Variants in TCP10L observed in about 807,000 individuals in gnomAD.
The protein encoded by TCP10L is t-complex 10 like.
Under a neutral mutation model 19.2 loss-of-function variants are expected in TCP10L, and 11 were observed. The observed-to-expected ratio is 0.57, with a 90% CI of 0.36 to 0.95. The LOEUF is 0.95. Ranked by LOEUF, TCP10L falls within the 40% of genes least tolerant of loss-of-function variation. The probability of loss-of-function intolerance (pLI) is 0.01; values close to 1 mark genes in which losing one functional copy is unlikely to be tolerated. For missense variants in TCP10L, 247 were observed against 263.9 expected, an observed-to-expected ratio of 0.94 and a Z score of 0.44; for synonymous variants, 96 against 97.2, an observed-to-expected ratio of 0.99 and a Z score of 0.07.
At chr21:32,580,690 T>A (rs1381720371) in intron 3 of TCP10L, among the ~76,000 whole-genome samples, 1 of 152,218 alleles carries the variant, frequency 6.6e-6, no homozygotes, top group African/African-American at 2.4e-5. Flanking sequence ...CCTGTATGTA[T>A]AATTTTAATG....
rs1317474016 is a variant in TCP10L at position 32,578,275 on chromosome 21, G to C, written c.498+419C>G. Among the ~76,000 whole-genome samples the C allele has an allele frequency of 6.6e-6, 1 of 152,236 alleles. No individual in the cohort carries two copies. Among genetic ancestry groups the C allele is most frequent in the Non-Finnish European group, 1.5e-5 (1 of 68,040 alleles). On this transcript the variant is annotated intron_variant, in intron 4 of 4. Transcript: ENST00000300258. The surrounding 1 kb of genome is among the most constrained non-coding windows in gnomAD (Gnocchi z 4.2). ...AAGCTAACAGCGCCACCCCTGTTCA[G>C]AGGAGTCCACGCCGACAAGCAGCAG...
At chr21:32,580,579 C>A (rs1164266227) in intron 3 of TCP10L, among the ~76,000 whole-genome samples, 1 of 151,890 alleles carries the variant, frequency 6.6e-6, no homozygotes, top group East Asian at 1.9e-4. Flanking sequence ...TAAAAGTTCA[C>A]ACAATAAATG....
Position 32,578,589 on chromosome 21 carries a change from G to C in TCP10L, c.498+105C>G, listed in dbSNP as rs529252981. The C allele has an allele frequency of 5.2e-4, 766 of 1,483,308 alleles. No individual in the cohort carries two copies. Among genetic ancestry groups the C allele is most frequent in the Non-Finnish European group, 6.5e-4 (717 of 1,098,800 alleles). 91.9% of individuals were successfully genotyped at this position (1,483,308 alleles called of 1,614,324 possible). Reference sequence around the variant, plus strand: ...AACACAGGACTCCAGGGAGCACCATGCTCACCCAGGGAGGTGAAATTGTGT... The same window carrying C: ...AACACAGGACTCCAGGGAGCACCATCCTCACCCAGGGAGGTGAAATTGTGT... On this transcript the variant is annotated intron_variant, in intron 4 of 4. Coordinates refer to ENST00000300258, the MANE Select transcript of TCP10L (RefSeq NM_144659.7). The surrounding 1 kb of genome is among the most constrained non-coding windows in gnomAD (Gnocchi z 4.2).
Position 32,576,489 on chromosome 21 carries a change from T to C in TCP10L, c.*285A>G. 1 of 614,866 alleles carries C rather than the reference T, an allele frequency of 1.6e-6. No individual in the cohort carries two copies. The highest frequency in any genetic ancestry group is 2.8e-5 in the East Asian group (1 of 35,654). 38.1% of individuals were successfully genotyped at this position (614,866 alleles called of 1,614,324 possible). On this transcript the variant is annotated 3_prime_UTR_variant, in exon 5 of 5. Transcript: ENST00000300258. ...CGACACTCCATACTACAAGGTGGGT[T>C]AATTTTTTTAAAGACTCTGCAGAAA...
chr21:32,576,364 C>A lies in TCP10L; in HGVS notation c.*410G>T. 7.6e-7 allele frequency: 1 copy of A among 1,324,134 alleles called. No individual in the cohort carries two copies. The highest frequency in any genetic ancestry group is 1.3e-5 in the South Asian group (1 of 74,486). The allele number at this position is 1,324,134 out of a possible 1,614,324, so 82.0% of individuals were successfully genotyped here. ...TCACAGGCCCGCCTTGTCACAAGGT[C>A]CCTGGAGCGGGCAATGCCTTGAGCC... On this transcript the variant is annotated 3_prime_UTR_variant, in exon 5 of 5. Coordinates refer to ENST00000300258, the MANE Select transcript of TCP10L (RefSeq NM_144659.7).
At chr21:32,584,415 G>A (rs568198229) in intron 1 of TCP10L, 110 bp from the exon 2 acceptor site, 30 of 1,418,360 alleles carry the variant, frequency 2.1e-5, no homozygotes, top group Middle Eastern at 2.2e-4. Context: ...ACCCGCAGCC[G>A]CTCCTTCTCC....
chr21:32,575,435 G>C lies in TCP10L; in HGVS notation c.*1339C>G, dbSNP rs1016325166. The C allele has an allele frequency of 6.5e-5, 10 of 154,816 alleles. No homozygotes were observed. The highest frequency in any genetic ancestry group is 2.4e-4 in the African/African-American group (10 of 41,488). The allele number at this position is 154,816 out of a possible 1,614,324, so 9.6% of individuals were successfully genotyped here. ...GCCTGGGGGTGGGCAGGAAGCCCGG[G>C]GGGCAGACTCAGGAGGAAGACAGTG... is the stretch of plus-strand genomic sequence containing the variant. On this transcript the variant is annotated 3_prime_UTR_variant, in exon 5 of 5. Transcript: ENST00000300258.
Position 32,576,269 on chromosome 21 carries a change from CTG to C in TCP10L, c.*503_*504del, listed in dbSNP as rs774278744. 6.3e-7 allele frequency: 1 copy of C among 1,576,172 alleles called. No homozygotes were observed. Among genetic ancestry groups the C allele is most frequent in the Non-Finnish European group, 8.7e-7 (1 of 1,152,094 alleles). ...AGCATGGCGGCCTGGGAAGCCTGCA[CTG>C]GTGATTTTCTGCCACTCAAGTTTTG... On this transcript the variant is annotated 3_prime_UTR_variant, in exon 5 of 5. Coordinates refer to ENST00000300258, the MANE Select transcript of TCP10L (RefSeq NM_144659.7).
rs2038402629 is a variant in TCP10L, at chr21:32,573,868, C to T, written c.*2906G>A. Among the ~76,000 whole-genome samples, 1 of 152,132 alleles carries T rather than the reference C, an allele frequency of 6.6e-6. No homozygotes were observed. Among genetic ancestry groups the T allele is most frequent in the East Asian group, 1.9e-4 (1 of 5,206 alleles). On this transcript the variant is annotated 3_prime_UTR_variant, in exon 5 of 5. Coordinates refer to ENST00000300258, the MANE Select transcript of TCP10L (RefSeq NM_144659.7). Reference sequence around the variant, plus strand: ...CATACAAATAACATACAAATAACACCTGCCATGACTGTGGCACTGTTTCTA... The same window carrying T: ...CATACAAATAACATACAAATAACACTTGCCATGACTGTGGCACTGTTTCTA...
chr21:32,578,268 CT>C lies in TCP10L; in HGVS notation c.498+425del, dbSNP rs2038455784. Among the ~76,000 whole-genome samples, 1 of 152,234 alleles carries C rather than the reference CT, an allele frequency of 6.6e-6. No individual in the cohort carries two copies. Among genetic ancestry groups the C allele is most frequent in the South Asian group, 2.1e-4 (1 of 4,826 alleles). On this transcript the variant is annotated intron_variant, in intron 4 of 4. Transcript: ENST00000300258. The surrounding 1 kb of genome is among the most constrained non-coding windows in gnomAD (Gnocchi z 4.2). The stretch of plus-strand genomic sequence containing the variant: ...GGCTCCCAAGCTAACAGCGCCACCC[CT>C]GTTCAGAGGAGTCCACGCCGACAAG...
intron 1 of TCP10L, among the ~76,000 whole-genome samples, 161 bp downstream of exon 1, chr21:32,585,260 C>T (rs1252211907): frequency 1.2e-4 from 19 of 152,206 alleles, no homozygotes; most frequent in Admixed American, 9.2e-4. Flanking sequence ...AATGTTTCTG[C>T]GGAAGTGGGC....
In TCP10L at chr21:32,585,072, A is replaced by G. The variant is rs183033271; in HGVS notation, c.-2+349T>C. ...CCGTTTTAGGAAGCCAGTGGCCCCCAACGAAACCCCGACTGTTTAATTCAT... is the reference window on the plus strand; with the variant it reads ...CCGTTTTAGGAAGCCAGTGGCCCCCGACGAAACCCCGACTGTTTAATTCAT... On this transcript the variant is annotated intron_variant, in intron 1 of 4. Transcript: ENST00000300258. Among the ~76,000 whole-genome samples the G allele has an allele frequency of 9.2e-4, 140 of 152,238 alleles. 1 individual carries two copies. The highest frequency in any genetic ancestry group is 2.5e-4 in the Non-Finnish European group (17 of 68,000).
rs1269924889 is a variant in TCP10L at position 32,576,831 on chromosome 21, T to G, written c.591A>C (p.Arg197Ser). The change falls in exon 5 of 5, where the codon AGA becomes AGC. Residue 197 changes from arginine (R) to serine (S), a missense_variant. Coordinates refer to ENST00000300258, the MANE Select transcript of TCP10L (RefSeq NM_144659.7). ...DKNLSRRRQD[R>S]RATPTGRPTP... ...TTGGCCTTCCAGTAGGTGTTGCTCT[T>G]CTGTCTTGACGTCTCCTGGAAAGAT... The G allele has an allele frequency of 1.9e-6, 3 of 1,614,200 alleles. No homozygotes were observed. Among genetic ancestry groups the G allele is most frequent in the Non-Finnish European group, 2.5e-6 (3 of 1,180,022 alleles).
In TCP10L at chr21:32,576,084, G is replaced by T. The variant is rs1476096383; in HGVS notation, c.*690C>A. 8.6e-5 allele frequency: 47 copies of T among 545,216 alleles called. 1 individual carries two copies. In the Admixed American group the frequency reaches 1.4e-3, roughly 17 times the overall value. The allele number at this position is 545,216 out of a possible 1,614,324, so 33.8% of individuals were successfully genotyped here. A position where few individuals can be genotyped will look rare whatever the true frequency, so the allele number is the denominator to read the frequency against. ...CAACGAGGGAATCAGACAAAAAGTG[G>T]CCACAAATTAGGCAGCTCCAGGAAG... On this transcript the variant is annotated 3_prime_UTR_variant, in exon 5 of 5. Coordinates refer to ENST00000300258, the MANE Select transcript of TCP10L (RefSeq NM_144659.7).
chr21:32,578,038 C>G lies in TCP10L; in HGVS notation c.498+656G>C, dbSNP rs755946683. On this transcript the variant is annotated intron_variant, in intron 4 of 4. Transcript: ENST00000300258. This position sits in a 1 kb window ranked among gnomAD's most constrained non-coding sequence, Gnocchi z 4.2. ...TGCTACTGTTTGTGGTTTAAGAACG[C>G]CTTTAAGCGGTTTTCCACCCTGGGT... 6.6e-6 allele frequency among the ~76,000 whole-genome samples: 1 copy of G among 152,222 alleles called. No individual in the cohort carries two copies. Among genetic ancestry groups the G allele is most frequent in the Admixed American group, 6.5e-5 (1 of 15,282 alleles).
At position 32,582,001 on chromosome 21, in the gene TCP10L, G is replaced by A. The variant is rs1189880657; in HGVS notation, c.360+199C>T. Among the ~76,000 whole-genome samples the A allele has an allele frequency of 6.6e-6, 1 of 152,146 alleles. No individual in the cohort carries two copies. Among genetic ancestry groups the A allele is most frequent in the African/African-American group, 2.4e-5 (1 of 41,414 alleles). On this transcript the variant is annotated intron_variant, in intron 3 of 4. Coordinates refer to ENST00000300258, the MANE Select transcript of TCP10L (RefSeq NM_144659.7). The surrounding 1 kb of genome is among the most constrained non-coding windows in gnomAD (Gnocchi z 4.2). ...CGGCAATGCTTCTGTCTGCTGGAGT[G>A]CCAGGTGAGAGGCCTGATGTATCCA...
At chr21:32,581,603 T>C (rs1162439824) in intron 3 of TCP10L, among the ~76,000 whole-genome samples, 2 of 152,058 alleles carry the variant, frequency 1.3e-5, no homozygotes, top group Admixed American at 1.3e-4. Context: ...CCCTAGAGGT[T>C]TGAGCAGTGG....
At position 32,574,723 on chromosome 21, in the gene TCP10L, G is replaced by A. The variant is rs949270550; in HGVS notation, c.*2051C>T. ...TTTAAAAGGATAGTGTATATACATT[G>A]TGGAAATATCAGTATCCTAATGCGA... On this transcript the variant is annotated 3_prime_UTR_variant, in exon 5 of 5. Transcript: ENST00000300258. 1 of 166,486 alleles carries A rather than the reference G, an allele frequency of 6.0e-6. No homozygotes were observed. The highest frequency in any genetic ancestry group is 2.6e-3 in the Middle Eastern group (1 of 378). The allele number at this position is 166,486 out of a possible 1,614,324, so 10.3% of individuals were successfully genotyped here.
Position 32,584,290 on chromosome 21 carries a change from T to A in TCP10L, c.15A>T (p.Gln5His), listed in dbSNP as rs375422861. The change falls in exon 2 of 5, where the codon CAA becomes CAT. Residue 5 changes from glutamine to histidine, a missense_variant. Coordinates refer to ENST00000300258, the MANE Select transcript of TCP10L (RefSeq NM_144659.7). MLAG[Q>H]LEARDPKEGT... ...CCTCTTTGGGGTCCCTGGCCTCGAG[T>A]TGACCTGCCAGCATCCTGGTTGGGA... 8 of 1,613,608 alleles carry A rather than the reference T, an allele frequency of 5.0e-6. No homozygotes were observed. Among genetic ancestry groups the A allele is most frequent in the Non-Finnish European group, 6.8e-6 (8 of 1,179,760 alleles).
Sources: gnomAD v4.1 joint callset for allele counts (sites outside exome capture counted in the v4.1 genomes callset) on GRCh38, gnomAD v4.1.1 for gene constraint, Gnocchi (gnomAD v3.1) non-coding constraint, MANE v1.5 for transcripts, NCBI Gene and HGNC (gene_info 2026-07-23, HGNC 2026-07-21) for gene names.